Variants in RELN observed in about 807,000 individuals in gnomAD.
RELN encodes reelin.
Under a neutral mutation model 427.6 loss-of-function variants are expected in RELN, and 108 were observed. The ratio of observed to expected loss-of-function variants is 0.25; its 90% CI spans 0.22 to 0.30. The LOEUF is 0.30. Among genes scored for constraint, RELN ranks in the 10% least tolerant of loss-of-function variants. RELN has a pLI of 1.00. For synonymous variants in RELN, 1,524 were observed against 1,513.4 expected (o/e 1.01, Z -0.16); for missense variants, 3,715 against 4,302.8 (o/e 0.86, Z 3.82).
In RELN at chr7:103,621,077, G is replaced by A. The variant is rs188314634; in HGVS notation, c.2702+8863C>T. Among the ~76,000 whole-genome samples, 5 of 152,232 alleles carry A rather than the reference G, an allele frequency of 3.3e-5. No individual in the cohort carries two copies. In the East Asian group the frequency reaches 9.7e-4, roughly 29 times the overall value. On this transcript the variant is annotated intron_variant, in intron 20 of 64. Coordinates refer to ENST00000428762, the MANE Select transcript of RELN (RefSeq NM_005045.4). ...CATTTTAAGACTTTTGTAGGACCTC[G>A]ATACTTTTAATTTTGAAATTTCATC...
At position 103,565,413 on chromosome 7, in the gene RELN, T is replaced by A; in HGVS notation, c.5075A>T (p.Lys1692Met). ...CTCTTCGGTGACAAGATGCCAGTCC[T>A]TGCCATTGTTCAGAGAATACTGGAG... ...VQLQYSLNNGKDWHLVTEECV... is the reference protein window; with the variant it reads ...VQLQYSLNNGMDWHLVTEECV... Residue 1692 changes from lysine to methionine, a missense_variant, in exon 34 of 65, where the codon AAG (lysine) becomes ATG (methionine). Physicochemically the swap from Lys to Met is moderately conservative, Grantham distance 95. Coordinates refer to ENST00000428762, the MANE Select transcript of RELN (RefSeq NM_005045.4). 6.2e-7 allele frequency: 1 copy of A among 1,614,126 alleles called. No individual in the cohort carries two copies. The highest frequency in any genetic ancestry group is 8.5e-7 in the Non-Finnish European group (1 of 1,180,010).
Position 103,896,657 on chromosome 7 carries a change from G to C in RELN, c.337+20418C>G, listed in dbSNP as rs78300355. 2.8e-3 allele frequency among the ~76,000 whole-genome samples: 433 copies of C among 152,104 alleles called. 11 individuals carry two copies. The East Asian group carries it at 0.045, about 16-fold the overall frequency. On this transcript the variant is annotated intron_variant, in intron 2 of 64. Transcript: ENST00000428762. ...AACTTCTGAGATTAGGGTAATGATA[G>C]GGAAGGGCTGGGGTTACACAGGCGT...
chr7:103,804,752 A>C (rs986989565), intron 3 of RELN, among the ~76,000 whole-genome samples: 2 of 152,142 alleles, frequency 1.3e-5, no homozygotes, highest in African/African-American at 4.8e-5. Flanking sequence ...AAACTCCTTA[A>C]TCTTAAATAT....
chr7:103,573,986 C>T lies in RELN; in HGVS notation c.4511+106G>A, dbSNP rs1353772889. On this transcript the variant is annotated intron_variant, in intron 30 of 64. Transcript: ENST00000428762. This position sits in a 1 kb window ranked among gnomAD's most constrained non-coding sequence, Gnocchi z 4.4. ...ACATATCATAATCTATATACAGAAACATTATTGTATATATTCCCAATAACA... is the reference window on the plus strand; with the variant it reads ...ACATATCATAATCTATATACAGAAATATTATTGTATATATTCCCAATAACA... The T allele has an allele frequency of 1.1e-6, 1 of 905,968 alleles. No individual in the cohort carries two copies. Among genetic ancestry groups the T allele is most frequent in the Non-Finnish European group, 1.8e-6 (1 of 547,508 alleles). The allele number at this position is 905,968 out of a possible 1,614,324, so 56.1% of individuals were successfully genotyped here. A position where few individuals can be genotyped will look rare whatever the true frequency, so the allele number is the denominator to read the frequency against.
chr7:103,661,592 C>T, intron 11 of RELN, 65 bp from the exon 12 acceptor site: 1 of 1,475,000 alleles, frequency 6.8e-7, no homozygotes, highest in Admixed American at 1.8e-5. Flanking sequence ...TAAAGAATAA[C>T]ATTTAGTTTT....
intron 16 of RELN, among the ~76,000 whole-genome samples, chr7:103,642,518 A>G (rs930800297): frequency 6.6e-6 from 1 of 152,032 alleles, no homozygotes; most frequent in Admixed American, 6.6e-5. Context: ...TGCATTCAAC[A>G]TACCTTGCTA....
chr7:103,663,889 A>G (rs530444981), intron 11 of RELN, among the ~76,000 whole-genome samples: 11 of 152,144 alleles, frequency 7.2e-5, no homozygotes, highest in Non-Finnish European at 1.6e-4. Context: ...GCCTAAATGG[A>G]TGGTCTTATA....
chr7:103,767,853 C>A (rs1206283563), intron 4 of RELN, among the ~76,000 whole-genome samples: 1 of 152,160 alleles, frequency 6.6e-6, no homozygotes, highest in African/African-American at 2.4e-5. Context: ...GAGGTCTACT[C>A]GACTTACCTG....
intron 1 of RELN, among the ~76,000 whole-genome samples, chr7:103,951,117 G>A (rs922456264): frequency 2.7e-4 from 41 of 152,166 alleles, no homozygotes; most frequent in Non-Finnish European, 4.4e-5. Flanking sequence ...TTTTAGTAGA[G>A]ATGGGGTTTC....
chr7:103,868,538 GA>G (rs1455216964), intron 2 of RELN, among the ~76,000 whole-genome samples: 1 of 151,990 alleles, frequency 6.6e-6, no homozygotes, highest in Non-Finnish European at 1.5e-5. Context: ...GTCTCTCCCA[GA>G]ATTTAGTGCT....
At chr7:103,611,985 A>G (rs1268068849) in intron 20 of RELN, among the ~76,000 whole-genome samples, 182 bp from the exon 21 acceptor site, 4 of 152,226 alleles carry the variant, frequency 2.6e-5, no homozygotes, top group Admixed American at 2.6e-4. Context: ...TTCAAAGATG[A>G]AACTTTTTTA....
chr7:103,650,927 T>C (rs553072687), intron 15 of RELN, among the ~76,000 whole-genome samples: 1 of 152,248 alleles, frequency 6.6e-6, no homozygotes, highest in African/African-American at 2.4e-5. Context: ...AACTAGCCAA[T>C]TTATTCTTAA....
At chr7:103,743,150 T>A (rs1257113575) in intron 6 of RELN, among the ~76,000 whole-genome samples, 3 of 151,670 alleles carry the variant, frequency 2.0e-5, no homozygotes, top group Non-Finnish European at 4.4e-5. Flanking sequence ...GAATTTCATA[T>A]CCAGCCAAAC....
At chr7:103,617,850 G>A (rs1196720449) in intron 20 of RELN, among the ~76,000 whole-genome samples, 2 of 152,058 alleles carry the variant, frequency 1.3e-5, no homozygotes, top group Non-Finnish European at 2.9e-5. Context: ...GAGGTAATGA[G>A]TGAGTTCTTG....
At chr7:103,719,380 C>A (rs1230054446) in intron 8 of RELN, among the ~76,000 whole-genome samples, 2 of 152,122 alleles carry the variant, frequency 1.3e-5, no homozygotes, top group Non-Finnish European at 2.9e-5. Context: ...TCCTCAAGAA[C>A]CTCATTAGGC....
At chr7:103,570,160 T>C (rs998625281) in intron 31 of RELN, among the ~76,000 whole-genome samples, 3 of 152,222 alleles carry the variant, frequency 2.0e-5, no homozygotes, top group African/African-American at 7.2e-5. Flanking sequence ...AAGTTGCTTG[T>C]TACTAAAAGG....
chr7:103,690,839 T>G (rs1304742538), intron 10 of RELN, among the ~76,000 whole-genome samples: 1 of 152,050 alleles, frequency 6.6e-6, no homozygotes, highest in Non-Finnish European at 1.5e-5. Context: ...AAATAAAAAA[T>G]TATGATGGTA....
At position 103,553,751 on chromosome 7, in the gene RELN, T is replaced by C; in HGVS notation, c.5878A>G (p.Thr1960Ala). 1 of 1,613,890 alleles carries C rather than the reference T, an allele frequency of 6.2e-7. No homozygotes were observed. Among genetic ancestry groups the C allele is most frequent in the Non-Finnish European group, 8.5e-7 (1 of 1,179,758 alleles). ...TCTTCTCTGGGCCCAAAATCAAATG[T>C]ATCCAAGAGCATCACAGGGTTGTTT... is the stretch of plus-strand genomic sequence containing the variant. ...NVNNPVMLLD[T>A]FDFGPREDNW... The change falls in exon 39 of 65, where the codon ACA (threonine) becomes GCA (alanine). Residue 1960 changes from threonine to alanine, a missense_variant. Around this residue, in one of 4 missense-constraint regions of RELN, gnomAD observed 1,310 missense variants for 1,643.0 expected, o/e 0.80. Transcript: ENST00000428762.
intron 60 of RELN, among the ~76,000 whole-genome samples, chr7:103,487,702 T>TA: frequency 6.6e-6 from 1 of 152,346 alleles, no homozygotes; most frequent in East Asian, 1.9e-4. Context: ...CTCACCCTGG[T>TA]ATGAGAGGCC....
Sources: gnomAD v4.1 joint callset for allele counts (sites outside exome capture counted in the v4.1 genomes callset) on GRCh38, gnomAD v4.1.1 for gene constraint, gnomAD v4.1.1 regional missense constraint, Gnocchi (gnomAD v3.1) non-coding constraint, MANE v1.5 for transcripts, NCBI Gene and HGNC (gene_info 2026-07-23, HGNC 2026-07-21) for gene names.